DOK6: variants seen among roughly 807,000 people sequenced by gnomAD.
The protein encoded by DOK6 is downstream of tyrosine kinase 6.
DOK6 carries 22 observed loss-of-function variants against 44.0 expected under a neutral mutation model. That is an observed-to-expected ratio of 0.50 (90% CI 0.36 to 0.71). DOK6 has a LOEUF of 0.71. Among genes scored for constraint, DOK6 ranks in the 30% least tolerant of loss-of-function variants. The pLI, the probability that DOK6 is intolerant of heterozygous loss-of-function variation, is 0.00. For synonymous variants in DOK6, 166 were observed against 145.5 expected (o/e 1.14, Z -1.01); for missense variants, 340 against 416.4 (o/e 0.82, Z 1.60).
At chr18:69,625,675 A>G (rs1984542573) in intron 3 of DOK6, among the ~76,000 whole-genome samples, 1 of 152,002 alleles carries the variant, frequency 6.6e-6, no homozygotes, top group Non-Finnish European at 1.5e-5. Context: ...TCATTTAAGT[A>G]TTTCCCATGT....
chr18:69,737,477 A>C lies in DOK6; in HGVS notation c.600-1488A>C, dbSNP rs577225285. On this transcript the variant is annotated intron_variant, in intron 5 of 7. Coordinates refer to ENST00000382713, the MANE Select transcript of DOK6 (RefSeq NM_152721.6). ...GGATTACAGGTCCCTCCCTGGACAC[A>C]TGGGGATTACAATTTGGGATGAGAT... Among the ~76,000 whole-genome samples, 5 of 152,278 alleles carry C rather than the reference A, an allele frequency of 3.3e-5. No individual in the cohort carries two copies. The East Asian group carries it at 9.7e-4, about 29-fold the overall frequency.
chr18:69,607,756 A>T (rs1321797547), intron 3 of DOK6, among the ~76,000 whole-genome samples: 1 of 152,190 alleles, frequency 6.6e-6, no homozygotes, highest in Non-Finnish European at 1.5e-5. Flanking sequence ...TTCTTTATAA[A>T]GACAGAGCTC....
chr18:69,809,795 C>T (rs1381800918), intron 7 of DOK6, among the ~76,000 whole-genome samples: 1 of 151,568 alleles, frequency 6.6e-6, no homozygotes, highest in Non-Finnish European at 1.5e-5. Context: ...AAGACCTGTA[C>T]ACAGAAAACC....
At chr18:69,826,099 C>G (rs976376010) in intron 7 of DOK6, among the ~76,000 whole-genome samples, 3 of 152,062 alleles carry the variant, frequency 2.0e-5, no homozygotes, top group African/African-American at 7.2e-5. Context: ...ATAAGAGCAC[C>G]TCTCCTGTAG....
chr18:69,787,587 G>GT, intron 7 of DOK6, among the ~76,000 whole-genome samples: 1 of 152,184 alleles, frequency 6.6e-6, no homozygotes, highest in African/African-American at 2.4e-5. Context: ...TGTTGATACA[G>GT]TTTTTTTAAT....
intron 7 of DOK6, among the ~76,000 whole-genome samples, chr18:69,759,496 G>C (rs1274488118): frequency 6.6e-6 from 1 of 152,152 alleles, no homozygotes; most frequent in African/African-American, 2.4e-5. Flanking sequence ...GTCAGAAGTA[G>C]TATAATAACT....
chr18:69,817,306 AAAAAAATG>A (rs1218321839), intron 7 of DOK6, among the ~76,000 whole-genome samples: 1 of 152,058 alleles, frequency 6.6e-6, no homozygotes, highest in East Asian at 1.9e-4. Flanking sequence ...TTCTTACTTA[AAAAAAATG>A]AAAATAATAA....
intron 3 of DOK6, among the ~76,000 whole-genome samples, chr18:69,603,022 G>A (rs7241547): frequency 0.047 from 7,182 of 152,270 alleles, 590 homozygotes; most frequent in African/African-American, 0.16. Flanking sequence ...TTTACCTAGT[G>A]TCATGAACAA....
chr18:69,429,214 T>G (rs1400579841), intron 1 of DOK6, among the ~76,000 whole-genome samples: 1 of 152,142 alleles, frequency 6.6e-6, no homozygotes, highest in Non-Finnish European at 1.5e-5. Flanking sequence ...TCTGATGATT[T>G]CCTTATGCAT....
intron 3 of DOK6, among the ~76,000 whole-genome samples, chr18:69,603,881 G>A (rs936589889): frequency 2.0e-5 from 3 of 151,794 alleles, no homozygotes; most frequent in Admixed American, 2.0e-4. Flanking sequence ...CATAAGTTTA[G>A]GGAAACTATT....
chr18:69,617,771 A>G (rs1984347032), intron 3 of DOK6, among the ~76,000 whole-genome samples: 1 of 118,026 alleles, frequency 8.5e-6, no homozygotes, highest in African/African-American at 2.9e-5. Context: ...GGAAGGAAGG[A>G]ACGGAGGGAG....
chr18:69,793,415 G>T (rs905331852), intron 7 of DOK6, among the ~76,000 whole-genome samples: 1 of 152,146 alleles, frequency 6.6e-6, no homozygotes, highest in Admixed American at 6.6e-5. Context: ...AGATCAAGGT[G>T]TTGACAGAAA....
chr18:69,401,331 G>T (rs993333014), intron 1 of DOK6, 21 bp downstream of exon 1: 1 of 1,502,412 alleles, frequency 6.7e-7, no homozygotes. Context: ...CGCTCGGCTT[G>T]CTCCTTCCCC....
intron 1 of DOK6, among the ~76,000 whole-genome samples, chr18:69,477,653 T>G (rs1568270628): frequency 6.6e-6 from 1 of 152,330 alleles, no homozygotes; most frequent in South Asian, 2.1e-4. Flanking sequence ...AATTCAAAGA[T>G]GACCCAATTC....
chr18:69,746,745 G>A (rs1978998178), intron 6 of DOK6, among the ~76,000 whole-genome samples: 1 of 152,158 alleles, frequency 6.6e-6, no homozygotes, highest in Non-Finnish European at 1.5e-5. Flanking sequence ...TGAATAAAAT[G>A]GAAGATTAAG....
chr18:69,512,332 C>CTTCTTCTTCTTTTTTT (rs59109570), intron 1 of DOK6, among the ~76,000 whole-genome samples: 1 of 91,690 alleles, frequency 1.1e-5, no homozygotes, highest in African/African-American at 4.7e-5. Flanking sequence ...CTTTCTTCTT[C>CTTCTTCTTCTTTTTTT]TTTTTTTTTT....
intron 4 of DOK6, among the ~76,000 whole-genome samples, chr18:69,684,984 T>A (rs910782375): frequency 6.6e-6 from 1 of 152,084 alleles, no homozygotes; most frequent in African/African-American, 2.4e-5. Flanking sequence ...AGATGACCCC[T>A]TTTCCTCTGC....
intron 3 of DOK6, among the ~76,000 whole-genome samples, chr18:69,665,428 C>G (rs894533857): frequency 1.1e-4 from 16 of 152,072 alleles, no homozygotes; most frequent in African/African-American, 3.6e-4. Context: ...TTATAGGTAC[C>G]TAATTATTTG....
intron 7 of DOK6, among the ~76,000 whole-genome samples, chr18:69,819,086 A>T (rs1981490725): frequency 6.6e-6 from 1 of 152,222 alleles, no homozygotes; most frequent in African/African-American, 2.4e-5. Flanking sequence ...GAACCTAGGA[A>T]TATCCTCACA....
Sources: gnomAD v4.1 joint callset for allele counts (sites outside exome capture counted in the v4.1 genomes callset) on GRCh38, gnomAD v4.1.1 for gene constraint, MANE v1.5 for transcripts, NCBI Gene and HGNC (gene_info 2026-07-23, HGNC 2026-07-21) for gene names.